The following PCCA variants were observed in gnomAD, a reference collection of about 807,000 sequenced individuals.
PCCA encodes the protein propionyl-CoA carboxylase subunit alpha.
A neutral mutation model predicts 101.3 loss-of-function variants in PCCA; 74 were observed. The observed-to-expected ratio is 0.73, with a 90% confidence interval of 0.61 to 0.89. PCCA has a LOEUF of 0.89. Ranked by LOEUF, PCCA falls within the 40% of genes least tolerant of loss-of-function variation. The pLI is 0.00. For synonymous variants in PCCA, 294 were observed against 313.6 expected (o/e 0.94, Z 0.66); for missense variants, 891 against 907.0 (o/e 0.98, Z 0.23).
chr13:100,136,742 G>A (rs183315561), intron 4 of PCCA, among the ~76,000 whole-genome samples: 92 of 152,126 alleles, frequency 6.0e-4, no homozygotes, highest in Non-Finnish European at 1.2e-3. Context: ...TGCATAGTTT[G>A]TAGTGATAAC....
chr13:100,515,512 T>C lies in PCCA; in HGVS notation c.1985T>C (p.Leu662Pro), dbSNP rs374959576. The change falls in exon 22 of 24, where the codon CTG becomes CCG. Residue 662 changes from leucine (L) to proline (P), a missense_variant. Leu to Pro is a moderately conservative substitution (Grantham distance 98). Transcript: ENST00000376285. ...EKVTEDTSSV[L>P]RSPMPGVVVA... ...GTGACTGAGGACACAAGCAGTGTTC[T>C]GCGTTCCCCGATGCCCGGAGTGGTG... The C allele has an allele frequency of 1.2e-6, 2 of 1,614,098 alleles. No homozygotes were observed. The highest frequency in any genetic ancestry group is 2.2e-5 in the South Asian group (2 of 91,088).
intron 16 of PCCA, among the ~76,000 whole-genome samples, chr13:100,313,066 C>CT (rs899542428): frequency 3.2e-4 from 49 of 152,112 alleles, no homozygotes; most frequent in Non-Finnish European, 5.7e-4. Context: ...ATTTAATAAA[C>CT]TTTTTTTTGA....
intron 21 of PCCA, among the ~76,000 whole-genome samples, chr13:100,478,086 T>A (rs2083562810): frequency 6.6e-6 from 1 of 152,214 alleles, no homozygotes; most frequent in Non-Finnish European, 1.5e-5. Context: ...TAACTTGGCC[T>A]TGTTAGCTCA....
At chr13:100,232,348 A>ATGAG (rs1555387961) in intron 7 of PCCA, among the ~76,000 whole-genome samples, 1 of 60,384 alleles carries the variant, frequency 1.7e-5, no homozygotes, top group Non-Finnish European at 4.1e-5. Context: ...GTGTGTGTGT[A>ATGAG]TGCGTGTGTG....
intron 9 of PCCA, among the ~76,000 whole-genome samples, chr13:100,258,888 A>T (rs2062253005): frequency 1.3e-5 from 2 of 151,036 alleles, no homozygotes; most frequent in African/African-American, 4.9e-5. Flanking sequence ...CTTGATAAAT[A>T]AACCATCTCA....
At chr13:100,517,253 T>C (rs2086906550) in intron 22 of PCCA, among the ~76,000 whole-genome samples, 1 of 152,202 alleles carries the variant, frequency 6.6e-6, no homozygotes, top group Non-Finnish European at 1.5e-5. Context: ...AGGAGGTTGC[T>C]CAGAGGCAGT....
intron 22 of PCCA, among the ~76,000 whole-genome samples, chr13:100,521,694 TAACTG>T (rs746886233): frequency 5.4e-4 from 82 of 152,344 alleles, no homozygotes; most frequent in Middle Eastern, 3.4e-3. Context: ...TTGTGACTGT[TAACTG>T]AACCTTTCTT....
intron 7 of PCCA, among the ~76,000 whole-genome samples, chr13:100,221,607 T>C (rs2059811474): frequency 6.6e-6 from 1 of 152,202 alleles, no homozygotes; most frequent in South Asian, 2.1e-4. Context: ...CCTATTACAC[T>C]CTCAAATGAT....
intron 9 of PCCA, among the ~76,000 whole-genome samples, chr13:100,258,552 G>A (rs566517953): frequency 6.6e-6 from 1 of 152,154 alleles, no homozygotes; most frequent in Admixed American, 6.5e-5. Flanking sequence ...AACGCTTAGC[G>A]CTTATTTTTC....
chr13:100,293,551 G>A (rs1595158833), intron 12 of PCCA, among the ~76,000 whole-genome samples: 1 of 152,260 alleles, frequency 6.6e-6, no homozygotes, highest in East Asian at 1.9e-4. Flanking sequence ...GAATTGGAGT[G>A]TTTGATAGAA....
At chr13:100,271,873 T>G (rs1038474747) in intron 11 of PCCA, among the ~76,000 whole-genome samples, 1 of 152,200 alleles carries the variant, frequency 6.6e-6, no homozygotes, top group Admixed American at 6.5e-5. Flanking sequence ...GCAAGTAGCA[T>G]AGATAAAGCC....
chr13:100,514,760 T>C (rs553090201), intron 21 of PCCA, among the ~76,000 whole-genome samples: 4 of 152,354 alleles, frequency 2.6e-5, no homozygotes, highest in Non-Finnish European at 5.9e-5. Context: ...CTTGATGTTA[T>C]TGTCTCTCAG....
intron 20 of PCCA, among the ~76,000 whole-genome samples, chr13:100,429,096 A>T (rs1410869252): frequency 6.6e-6 from 1 of 151,966 alleles, no homozygotes; most frequent in Non-Finnish European, 1.5e-5. Flanking sequence ...AGCTGTGGGG[A>T]TGAGGGCACT....
At chr13:100,093,174 G>A (rs2046431354) in intron 1 of PCCA, among the ~76,000 whole-genome samples, 1 of 152,144 alleles carries the variant, frequency 6.6e-6, no homozygotes, top group Non-Finnish European at 1.5e-5. Context: ...GTGTTTCATT[G>A]TAGGTATCTG....
chr13:100,111,178 CTTTTTTTT>C (rs965293674), intron 2 of PCCA, among the ~76,000 whole-genome samples: 14 of 98,572 alleles, frequency 1.4e-4, no homozygotes, highest in Admixed American at 3.2e-4. Flanking sequence ...GACCCAGCTC[CTTTTTTTT>C]TTTTTTTTTT....
chr13:100,184,183 A>G (rs998111426), intron 6 of PCCA, among the ~76,000 whole-genome samples: 5 of 152,292 alleles, frequency 3.3e-5, no homozygotes, highest in South Asian at 4.1e-4. Flanking sequence ...GGGGAAGGTT[A>G]TAACTATAGT....
At chr13:100,091,772 T>C (rs928718554) in intron 1 of PCCA, among the ~76,000 whole-genome samples, 4 of 151,926 alleles carry the variant, frequency 2.6e-5, no homozygotes, top group Admixed American at 6.5e-5. Context: ...TTTAGTCTTA[T>C]TTGTTTTGTG....
intron 19 of PCCA, among the ~76,000 whole-genome samples, chr13:100,371,664 AT>A (rs887012327): frequency 6.6e-6 from 1 of 152,208 alleles, no homozygotes. Flanking sequence ...CCCCAAATAC[AT>A]TTTGTTGCAG....
At chr13:100,221,933 C>T (rs774209815) in intron 7 of PCCA, among the ~76,000 whole-genome samples, 10 of 151,784 alleles carry the variant, frequency 6.6e-5, no homozygotes, top group Non-Finnish European at 8.8e-5. Flanking sequence ...GACAGGGTTT[C>T]GCCATATTGG....
Sources: gnomAD v4.1 joint callset for allele counts (sites outside exome capture counted in the v4.1 genomes callset) on GRCh38, gnomAD v4.1.1 for gene constraint, MANE v1.5 for transcripts, NCBI Gene and HGNC (gene_info 2026-07-23, HGNC 2026-07-21) for gene names.